Variants in DLG2 observed in about 807,000 individuals in gnomAD.
DLG2 encodes disks large homolog 2.
Under a neutral mutation model 132.5 loss-of-function variants are expected in DLG2, and 45 were observed. The observed-to-expected ratio is 0.34, with a 90% CI of 0.27 to 0.44. The LOEUF is 0.44. DLG2 is among the 20% of genes least tolerant of loss of function. DLG2 has a pLI of 1.00. For synonymous variants in DLG2, 424 were observed against 419.6 expected (o/e 1.01, Z -0.13); for missense variants, 1,045 against 1,196.9 (o/e 0.87, Z 1.87).
chr11:84,745,613 C>G (rs540124614), intron 6 of DLG2, among the ~76,000 whole-genome samples: 1 of 152,140 alleles, frequency 6.6e-6, no homozygotes, highest in African/African-American at 2.4e-5. Flanking sequence ...AATTCTAAGC[C>G]CATCTTAGAT....
At chr11:83,979,856 A>G (rs1217004591) in intron 12 of DLG2, among the ~76,000 whole-genome samples, 1 of 152,190 alleles carries the variant, frequency 6.6e-6, no homozygotes, top group African/African-American at 2.4e-5. Context: ...GTCTATAAAT[A>G]GTAATTGCTC....
chr11:84,777,915 CTG>C (rs1485219119), intron 6 of DLG2, among the ~76,000 whole-genome samples: 3 of 152,094 alleles, frequency 2.0e-5, no homozygotes, highest in Non-Finnish European at 4.4e-5. Flanking sequence ...TCTGTTCACT[CTG>C]TCAATTATTT....
At chr11:85,270,456 G>A (rs532366417) in intron 4 of DLG2, among the ~76,000 whole-genome samples, 3 of 152,150 alleles carry the variant, frequency 2.0e-5, no homozygotes, top group Non-Finnish European at 4.4e-5. Context: ...ATGAAAACAA[G>A]CTAATACAGT....
chr11:85,315,379 A>T (rs558391634), intron 3 of DLG2, among the ~76,000 whole-genome samples: 6 of 151,924 alleles, frequency 3.9e-5, no homozygotes, highest in Non-Finnish European at 8.8e-5. Context: ...CAACCACTCC[A>T]GCTGCAAGGA....
intron 7 of DLG2, among the ~76,000 whole-genome samples, chr11:84,502,254 C>CTTT (rs2099214432): frequency 4.6e-5 from 2 of 43,120 alleles, no homozygotes; most frequent in South Asian, 1.1e-3. Flanking sequence ...TTCCTTCCTT[C>CTTT]CTTCCTTCCT....
intron 18 of DLG2, among the ~76,000 whole-genome samples, chr11:83,751,713 C>T (rs1418074502): frequency 6.6e-6 from 1 of 152,108 alleles, no homozygotes; most frequent in African/African-American, 2.4e-5. Context: ...ATGGAATTGC[C>T]ACTGAGGTAG....
chr11:83,589,115 G>A (rs367857710), intron 19 of DLG2, among the ~76,000 whole-genome samples: 25 of 149,064 alleles, frequency 1.7e-4, no homozygotes, highest in Admixed American at 3.3e-4. Flanking sequence ...GCAGGCCAAC[G>A]TTCAGATTCA....
rs879827728 is a variant in DLG2 at position 83,745,801 on chromosome 11, TA to T, written c.1825+40888del. ...TGGGTGTCAGAGTGAGACGCTGCCT[TA>T]AAAAAAAAAAAATTTTTGCAATCTA... On this transcript the variant is annotated intron_variant, in intron 18 of 27. Transcript: ENST00000376104. Among the ~76,000 whole-genome samples, 293 of 143,658 alleles carry T rather than the reference TA, an allele frequency of 2.0e-3. 1 individual carries two copies. Among genetic ancestry groups the T allele is most frequent in the Middle Eastern group, 3.5e-3 (1 of 288 alleles). 94.2% of individuals were successfully genotyped at this position (143,658 alleles called of 152,430 possible).
Position 85,154,147 on chromosome 11 carries a change from A to C in DLG2, c.282+409T>G, listed in dbSNP as rs576583228. 7.3e-5 allele frequency among the ~76,000 whole-genome samples: 11 copies of C among 150,914 alleles called. No individual in the cohort carries two copies. In the South Asian group the frequency reaches 1.9e-3, roughly 26 times the overall value. ...CTCTTCTTTTGGAGAAAAAAAAAAA[A>C]AAAAAAAAAAAAAACAGTCTCATTG... On this transcript the variant is annotated intron_variant, in intron 5 of 27. Coordinates refer to ENST00000376104, the MANE Select transcript of DLG2 (RefSeq NM_001142699.3).
intron 6 of DLG2, among the ~76,000 whole-genome samples, chr11:84,731,561 G>A (rs1459386370): frequency 6.6e-6 from 1 of 151,846 alleles, no homozygotes; most frequent in Non-Finnish European, 1.5e-5. Flanking sequence ...CAAATAGAGG[G>A]AATAGGATAT....
intron 3 of DLG2, among the ~76,000 whole-genome samples, chr11:85,464,775 G>A (rs1205819961): frequency 6.6e-6 from 1 of 151,630 alleles, no homozygotes; most frequent in Non-Finnish European, 1.5e-5. Context: ...ACAGCTTGGG[G>A]GTCAGAAGCA....
intron 11 of DLG2, among the ~76,000 whole-genome samples, chr11:83,990,650 C>G (rs780676249): frequency 6.6e-6 from 1 of 152,088 alleles, no homozygotes; most frequent in African/African-American, 2.4e-5. Flanking sequence ...ATATTCTTTG[C>G]GGGTGTAGAG....
chr11:84,040,361 G>A (rs796942856), intron 11 of DLG2, among the ~76,000 whole-genome samples: 47 of 152,074 alleles, frequency 3.1e-4, no homozygotes, highest in African/African-American at 1.1e-3. Context: ...TAGGTCTAAC[G>A]TTTAAGTCTT....
chr11:83,651,292 G>A (rs925972649), intron 18 of DLG2, among the ~76,000 whole-genome samples: 2 of 152,094 alleles, frequency 1.3e-5, no homozygotes, highest in South Asian at 2.1e-4. Context: ...GTGACCAGGG[G>A]CAAATTACTT....
chr11:84,591,808 C>T (rs944971250), intron 6 of DLG2, among the ~76,000 whole-genome samples: 3 of 152,142 alleles, frequency 2.0e-5, no homozygotes, highest in South Asian at 2.1e-4. Flanking sequence ...GCAATCAAAT[C>T]AGAATCTCTG....
chr11:85,223,339 T>C (rs913096815), intron 4 of DLG2, among the ~76,000 whole-genome samples: 1 of 151,942 alleles, frequency 6.6e-6, no homozygotes, highest in Admixed American at 6.6e-5. Context: ...AAAACCATAA[T>C]AGAAGTCTAG....
intron 18 of DLG2, among the ~76,000 whole-genome samples, chr11:83,770,275 T>C (rs1290862769): frequency 1.3e-5 from 2 of 149,890 alleles, no homozygotes; most frequent in African/African-American, 2.5e-5. Flanking sequence ...GTTTTTTTGC[T>C]TTTTGTACAA....
intron 6 of DLG2, among the ~76,000 whole-genome samples, chr11:84,861,732 A>G (rs1468670549): frequency 6.6e-6 from 1 of 151,626 alleles, no homozygotes; most frequent in African/African-American, 2.4e-5. Flanking sequence ...AATATCCAGA[A>G]TCTATAAGGA....
chr11:83,969,017 A>T (rs889108537), intron 12 of DLG2, among the ~76,000 whole-genome samples: 1 of 152,210 alleles, frequency 6.6e-6, no homozygotes, highest in Non-Finnish European at 1.5e-5. Flanking sequence ...CTTGCATGCC[A>T]TATATTTTAG....
Sources: allele counts gnomAD v4.1 joint callset (sites outside exome capture counted in the v4.1 genomes callset), GRCh38; gene constraint gnomAD v4.1.1; transcripts MANE v1.5; gene names NCBI Gene and HGNC (gene_info 2026-07-23, HGNC 2026-07-21).